Variants in B4GALNT2 observed in about 807,000 individuals in gnomAD.
The protein encoded by B4GALNT2 is beta-1,4-N-acetyl-galactosaminyltransferase 2 (SID blood group).
A neutral mutation model predicts 51.1 loss-of-function variants in B4GALNT2; 42 were observed. That is an observed-to-expected ratio of 0.82 (90% CI 0.64 to 1.06). The LOEUF (loss-of-function observed/expected upper bound fraction) is 1.06. B4GALNT2 is among the 50% of genes least tolerant of loss of function. B4GALNT2 has a pLI of 0.00. For missense variants in B4GALNT2, 602 were observed against 633.6 expected (o/e 0.95, Z 0.54); for synonymous variants, 253 against 251.7 (o/e 1.01, Z -0.05).
At position 49,140,250 on chromosome 17, in the gene B4GALNT2, G is replaced by A. The variant is rs534043205; in HGVS notation, c.15-997G>A. ...CGAGTAGCTGGGACTACAGGCGTCC[G>A]CCACAACACCCGACTAATTTTTTGT... On this transcript the variant is annotated intron_variant, in intron 1 of 10. Transcript: ENST00000393354. Among the ~76,000 whole-genome samples, 62 of 151,820 alleles carry A rather than the reference G, an allele frequency of 4.1e-4. 1 individual carries two copies. The South Asian group carries it at 0.012, about 29-fold the overall frequency.
intron 4 of B4GALNT2, among the ~76,000 whole-genome samples, 193 bp downstream of exon 4, chr17:49,153,099 C>A (rs189079560): frequency 6.6e-6 from 1 of 151,174 alleles, no homozygotes; most frequent in Non-Finnish European, 1.5e-5. Context: ...TGAGACCCCG[C>A]TGTCTCTTAA....
In B4GALNT2 at chr17:49,137,017, G is replaced by A. The variant is rs187786565; in HGVS notation, c.14+4211G>A. 1.8e-3 allele frequency among the ~76,000 whole-genome samples: 266 copies of A among 151,880 alleles called. 3 individuals carry two copies. Among genetic ancestry groups the A allele is most frequent in the African/African-American group, 5.8e-3 (240 of 41,418 alleles). On this transcript the variant is annotated intron_variant, in intron 1 of 10. Coordinates refer to ENST00000393354, the MANE Select transcript of B4GALNT2 (RefSeq NM_001159387.2). Reference sequence around the variant, plus strand: ...AAATATTAAGTTACACAGCTTAAAAGGCATGTAATATATCAGATGTCTGCT... The same window carrying A: ...AAATATTAAGTTACACAGCTTAAAAAGCATGTAATATATCAGATGTCTGCT...
intron 3 of B4GALNT2, among the ~76,000 whole-genome samples, chr17:49,147,370 C>CTTTT (rs1216908911): frequency 6.9e-6 from 1 of 144,212 alleles, no homozygotes; most frequent in African/African-American, 2.6e-5. Context: ...CTTTTCTTTT[C>CTTTT]TTTCTTTCTT....
chr17:49,166,795 CATCTGT>C, intron 9 of B4GALNT2, among the ~76,000 whole-genome samples: 1 of 151,938 alleles, frequency 6.6e-6, no homozygotes, highest in Admixed American at 6.6e-5. Context: ...GGCAAAACCT[CATCTGT>C]ATAAAGAAAT....
chr17:49,138,602 C>A (rs1431668375), intron 1 of B4GALNT2, among the ~76,000 whole-genome samples: 3 of 152,018 alleles, frequency 2.0e-5, no homozygotes, highest in African/African-American at 7.2e-5. Flanking sequence ...TCTCAGCCAG[C>A]CTTGGTGGCT....
At chr17:49,138,534 C>T (rs1407390624) in intron 1 of B4GALNT2, among the ~76,000 whole-genome samples, 2 of 152,220 alleles carry the variant, frequency 1.3e-5, no homozygotes, top group African/African-American at 4.8e-5. Context: ...AAGCAGGTTA[C>T]TTTTCCTATT....
intron 5 of B4GALNT2, among the ~76,000 whole-genome samples, chr17:49,157,188 T>A (rs1335137079): frequency 6.6e-6 from 1 of 152,070 alleles, no homozygotes; most frequent in Non-Finnish European, 1.5e-5. Flanking sequence ...TGAGACAGGG[T>A]CTCACTCTGT....
At position 49,132,821 on chromosome 17, in the gene B4GALNT2, G is replaced by GGCAGA. The variant is rs2042551515; in HGVS notation, c.14+23_14+27dup. The GGCAGA allele has an allele frequency of 4.3e-6, 6 of 1,380,196 alleles. No homozygotes were observed. Among genetic ancestry groups the GGCAGA allele is most frequent in the South Asian group, 1.8e-5 (1 of 56,384 alleles). 85.5% of individuals were successfully genotyped at this position (1,380,196 alleles called of 1,614,324 possible). On this transcript the variant is annotated intron_variant, in intron 1 of 10. Coordinates refer to ENST00000393354, the MANE Select transcript of B4GALNT2 (RefSeq NM_001159387.2). ...ACTTCGGGCGGGTGAGTGTCCCCGG[G>GGCAGA]GCAGAGCAGAGCGAGAGGTGAAACT...
rs1482391162 is a variant in B4GALNT2, at chr17:49,175,191, A to T, written c.*5463A>T. The stretch of plus-strand genomic sequence containing the variant: ...TGAAATGTCTGCTCCTGTATCTACC[A>T]AACCTTTAAATTTCTTTCCCTGAAT... On this transcript the variant is annotated 3_prime_UTR_variant, in exon 11 of 11. Transcript: ENST00000393354. The T allele has an allele frequency of 1.3e-5, 2 of 152,182 alleles. No homozygotes were observed. The highest frequency in any genetic ancestry group is 2.9e-5 in the Non-Finnish European group (2 of 68,032). 9.4% of individuals were successfully genotyped at this position (152,182 alleles called of 1,614,324 possible).
At chr17:49,126,855 C>T in the B4GALNT2 span, among the ~76,000 whole-genome samples, 1 of 152,024 alleles carries the variant, frequency 6.6e-6, no homozygotes, top group African/African-American at 2.4e-5. Flanking sequence ...CGTGCCACTA[C>T]GCCCAGCTAA....
rs749031533 is a variant in B4GALNT2, at chr17:49,166,108, C to T, written c.955-6C>T. On this transcript the variant is annotated splice_polypyrimidine_tract_variant and splice_region_variant and intron_variant, in intron 8 of 10. Coordinates refer to ENST00000393354, the MANE Select transcript of B4GALNT2 (RefSeq NM_001159387.2). ...AACCACTCCTTTAACCTCATTTCAT[C>T]TACAGGGTTGGTTTGCTGGTAGGAA... 1 of 1,613,528 alleles carries T rather than the reference C, an allele frequency of 6.2e-7. No individual in the cohort carries two copies. The highest frequency in any genetic ancestry group is 8.5e-7 in the Non-Finnish European group (1 of 1,179,634).
upstream of B4GALNT2, among the ~76,000 whole-genome samples, chr17:49,128,948 G>C (rs561585217): frequency 6.6e-6 from 1 of 152,276 alleles, no homozygotes; most frequent in East Asian, 1.9e-4. Flanking sequence ...TTATAAAGAG[G>C]ATGGTCAAGT....
rs528154349 is a variant in B4GALNT2 at position 49,176,525 on chromosome 17, C to A, written c.*6797C>A. The A allele has an allele frequency of 6.6e-6, 1 of 152,226 alleles. No individual in the cohort carries two copies. Among genetic ancestry groups the A allele is most frequent in the Non-Finnish European group, 1.5e-5 (1 of 68,056 alleles). 9.4% of individuals were successfully genotyped at this position (152,226 alleles called of 1,614,324 possible). A position where few individuals can be genotyped will look rare whatever the true frequency, so the allele number is the denominator to read the frequency against. On this transcript the variant is annotated 3_prime_UTR_variant, in exon 11 of 11. Transcript: ENST00000393354. ...TGCTATTGTTTGTGGCTTAGGAACA[C>A]CTTAAGAGGTTTTCCCCCCTGGGTG...
At chr17:49,164,411 G>T (rs2042892666) in intron 8 of B4GALNT2, 136 bp downstream of exon 8, 2 of 716,580 alleles carry the variant, frequency 2.8e-6, no homozygotes, top group Non-Finnish European at 2.3e-6. Flanking sequence ...GTGGGTGAGG[G>T]CTGTCCTCTG....
chr17:49,157,746 G>A (rs1237851555), intron 5 of B4GALNT2, among the ~76,000 whole-genome samples: 1 of 152,188 alleles, frequency 6.6e-6, no homozygotes, highest in East Asian at 1.9e-4. Context: ...ACAGGCGTGA[G>A]CCATCGTGCC....
intron 3 of B4GALNT2, among the ~76,000 whole-genome samples, chr17:49,152,099 A>G (rs1321325425): frequency 6.6e-6 from 1 of 152,020 alleles, no homozygotes; most frequent in East Asian, 1.9e-4. Flanking sequence ...TTTGTTAGCC[A>G]GGCATGGTGG....
At chr17:49,141,964 G>A in intron 2 of B4GALNT2, 71 bp from the exon 3 acceptor site, 1 of 1,573,474 alleles carries the variant, frequency 6.4e-7, no homozygotes, top group Non-Finnish European at 8.7e-7. Flanking sequence ...CACTGGATTA[G>A]GACTCCGGTT....
At chr17:49,133,301 C>T (rs923774097) in intron 1 of B4GALNT2, 9 of 1,397,168 alleles carry the variant, frequency 6.4e-6, no homozygotes, top group Non-Finnish European at 7.4e-6. Flanking sequence ...ACAGTCCGCG[C>T]GGAGTCAGGG....
chr17:49,133,176 G>T, intron 1 of B4GALNT2: 1 of 1,515,944 alleles, frequency 6.6e-7, no homozygotes. Flanking sequence ...CGCTGACCCA[G>T]CCTGGGGCCC....
Sources: allele counts gnomAD v4.1 joint callset (sites outside exome capture counted in the v4.1 genomes callset), GRCh38; gene constraint gnomAD v4.1.1; transcripts MANE v1.5; gene names NCBI Gene and HGNC (gene_info 2026-07-23, HGNC 2026-07-21).